The following FLRT2 variants were observed in gnomAD, a reference collection of about 807,000 sequenced individuals.
The protein encoded by FLRT2 is leucine-rich repeat transmembrane protein FLRT2.
FLRT2 carries 15 observed loss-of-function variants against 40.0 expected under a neutral mutation model. That is an observed-to-expected ratio of 0.38 (90% CI 0.25 to 0.58). FLRT2 has a LOEUF of 0.58. Among genes scored for constraint, FLRT2 ranks in the 20% least tolerant of loss-of-function variants. FLRT2 has a pLI of 0.71. For synonymous variants in FLRT2, 380 were observed against 336.8 expected (o/e 1.13, Z -1.41); for missense variants, 726 against 840.0 (o/e 0.86, Z 1.68).
chr14:85,550,928 T>A (rs1889584492), intron 1 of FLRT2, among the ~76,000 whole-genome samples: 2 of 152,192 alleles, frequency 1.3e-5, no homozygotes, highest in Non-Finnish European at 2.9e-5. Flanking sequence ...AGCTTAAATT[T>A]GGTCTTATGA....
rs1255150813 is a variant in FLRT2 at position 85,637,004 on chromosome 14, A to T, written c.*13507A>T. 1 of 151,896 alleles carries T rather than the reference A, an allele frequency of 6.6e-6. No individual in the cohort carries two copies. Among genetic ancestry groups the T allele is most frequent in the East Asian group, 1.9e-4 (1 of 5,190 alleles). 9.4% of individuals were successfully genotyped at this position (151,896 alleles called of 1,614,324 possible). On this transcript the variant is annotated 3_prime_UTR_variant, in exon 2 of 2. Transcript: ENST00000330753. ...CAAAACAAAAACAAAAAACAAAAAA[A>T]CACATTTTACAAAACAATAATCTAA... is the stretch of plus-strand genomic sequence containing the variant.
intron 1 of FLRT2, among the ~76,000 whole-genome samples, chr14:85,573,329 A>T (rs1890984186): frequency 6.6e-6 from 1 of 151,904 alleles, no homozygotes; most frequent in Non-Finnish European, 1.5e-5. Flanking sequence ...TCTCTCTCTC[A>T]CATACACACA....
rs1323490501 is a variant in FLRT2 at position 85,648,348 on chromosome 14, C to T, written c.*24851C>T. On this transcript the variant is annotated 3_prime_UTR_variant, in exon 2 of 2. Transcript: ENST00000330753. Reference sequence around the variant, plus strand: ...GCTGTAAGCCCACATGTGCATTTCCCAGAGTCCCTTGTTGCTAGGGGGCTG... The same window carrying T: ...GCTGTAAGCCCACATGTGCATTTCCTAGAGTCCCTTGTTGCTAGGGGGCTG... 6.6e-6 allele frequency: 1 copy of T among 152,296 alleles called. No individual in the cohort carries two copies. The highest frequency in any genetic ancestry group is 1.9e-4 in the East Asian group (1 of 5,178). 9.4% of individuals were successfully genotyped at this position (152,296 alleles called of 1,614,324 possible).
intron 1 of FLRT2, among the ~76,000 whole-genome samples, chr14:85,594,284 G>GA (rs962526294): frequency 6.6e-6 from 1 of 152,142 alleles, no homozygotes; most frequent in African/African-American, 2.4e-5. Flanking sequence ...GGGACAGGAG[G>GA]AAAAAATTGT....
intron 1 of FLRT2, among the ~76,000 whole-genome samples, chr14:85,591,758 TTATC>T (rs1288004435): frequency 6.6e-6 from 1 of 152,168 alleles, no homozygotes; most frequent in Non-Finnish European, 1.5e-5. Flanking sequence ...AAATCTCCAT[TTATC>T]TAGGGCGGTA....
At chr14:85,535,180 G>A (rs1174522605) in intron 1 of FLRT2, among the ~76,000 whole-genome samples, 4 of 152,154 alleles carry the variant, frequency 2.6e-5, no homozygotes, top group Non-Finnish European at 4.4e-5. Context: ...ATCACACAGG[G>A]TTTCAGGGCG....
At position 85,622,651 on chromosome 14, in the gene FLRT2, G is replaced by T. The variant is rs759593697; in HGVS notation, c.1137G>T (p.Pro379=). The change falls in exon 2 of 2, where the codon CCG becomes CCT. Residue 379 remains proline (P), a synonymous_variant. Transcript: ENST00000330753. ...LFTPAPSTAS[P]TTQPPTLSIP... is the part of the protein sequence containing the mutation. ...CCCCAGCCCCAAGTACAGCTTCTCC[G>T]ACCACTCAGCCTCCCACCCTCTCTA... The T allele has an allele frequency of 5.6e-6, 9 of 1,613,716 alleles. No homozygotes were observed. The highest frequency in any genetic ancestry group is 1.1e-5 in the South Asian group (1 of 91,064).
At chr14:85,571,457 A>G (rs1214199187) in intron 1 of FLRT2, among the ~76,000 whole-genome samples, 1 of 152,230 alleles carries the variant, frequency 6.6e-6, no homozygotes, top group African/African-American at 2.4e-5. Flanking sequence ...TGATGTAGAC[A>G]TAAGGAAGAA....
Position 85,631,517 on chromosome 14 carries a change from ACT to A in FLRT2, c.*8023_*8024del, listed in dbSNP as rs1893872582. On this transcript the variant is annotated 3_prime_UTR_variant, in exon 2 of 2. Transcript: ENST00000330753. ...GGTGCCCAGCTACAGGGGAAGAGCCACTCTGTCAGTTGCTTATGGCCAGATGG... is the reference window on the plus strand; with the variant it reads ...GGTGCCCAGCTACAGGGGAAGAGCCACTGTCAGTTGCTTATGGCCAGATGG... 6.6e-6 allele frequency: 1 copy of A among 151,960 alleles called. No individual in the cohort carries two copies. The highest frequency in any genetic ancestry group is 1.5e-5 in the Non-Finnish European group (1 of 68,006). The allele number at this position is 151,960 out of a possible 1,614,324, so 9.4% of individuals were successfully genotyped here.
At chr14:85,581,649 T>C (rs1405529273) in intron 1 of FLRT2, among the ~76,000 whole-genome samples, 1 of 152,224 alleles carries the variant, frequency 6.6e-6, no homozygotes, top group Non-Finnish European at 1.5e-5. Flanking sequence ...AGTAGTAACA[T>C]TATATACATT....
rs1894425356 is a variant in FLRT2, at chr14:85,651,227, G to A, written c.*27730G>A. On this transcript the variant is annotated 3_prime_UTR_variant, in exon 2 of 2. Transcript: ENST00000330753. ...ATATTTCTAAATTATTTTCATTTAA[G>A]TCAAAGGACATAGCCTGGAAAGTAT... is the stretch of plus-strand genomic sequence containing the variant. 1 of 151,158 alleles carries A rather than the reference G, an allele frequency of 6.6e-6. No individual in the cohort carries two copies. 9.4% of individuals were successfully genotyped at this position (151,158 alleles called of 1,614,324 possible).
intron 1 of FLRT2, among the ~76,000 whole-genome samples, chr14:85,579,828 G>A (rs10483980): frequency 0.23 from 34,417 of 151,738 alleles, 4,126 homozygotes; most frequent in South Asian, 0.37. Flanking sequence ...CTTTAAAAGC[G>A]ATGCCACTGG....
intron 1 of FLRT2, among the ~76,000 whole-genome samples, chr14:85,585,307 C>T (rs1465985809): frequency 6.6e-6 from 1 of 152,176 alleles, no homozygotes; most frequent in Non-Finnish European, 1.5e-5. Context: ...TTTTATTTCT[C>T]TCATAAATCT....
rs1894210761 is a variant in FLRT2 at position 85,643,357 on chromosome 14, TCCTTCCTTCCTTCCTTCC to T, written c.*19861_*19878del. ...TTTCTTTCTTTCTTTCTTTCTTTCT[TCCTTCCTTCCTTCCTTCC>T]TTTCTTTCCTTTCTCCTTTTTCTTT... On this transcript the variant is annotated 3_prime_UTR_variant, in exon 2 of 2. Coordinates refer to ENST00000330753, the MANE Select transcript of FLRT2 (RefSeq NM_013231.6). 7.9e-6 allele frequency: 1 copy of T among 126,348 alleles called. No homozygotes were observed. Among genetic ancestry groups the T allele is most frequent in the Admixed American group, 8.3e-5 (1 of 12,118 alleles). The allele number at this position is 126,348 out of a possible 1,614,324, so 7.8% of individuals were successfully genotyped here.
Position 85,643,142 on chromosome 14 carries a change from C to T in FLRT2, c.*19645C>T, listed in dbSNP as rs1462299844. On this transcript the variant is annotated 3_prime_UTR_variant, in exon 2 of 2. Transcript: ENST00000330753. ...GGCCTCATCTTCAAACACTATTCCA[C>T]TCGGGGCTAGGATGTCAACATATGA... is the stretch of plus-strand genomic sequence containing the variant. 6.6e-6 allele frequency: 1 copy of T among 152,138 alleles called. No individual in the cohort carries two copies. 9.4% of individuals were successfully genotyped at this position (152,138 alleles called of 1,614,324 possible). A position where few individuals can be genotyped will look rare whatever the true frequency, so the allele number is the denominator to read the frequency against.
In FLRT2 at chr14:85,575,586, C is replaced by T. The variant is rs542380024; in HGVS notation, c.-377+45052C>T. On this transcript the variant is annotated intron_variant, in intron 1 of 1. Transcript: ENST00000330753. ...GAAATGAGATGAACAGTTTCCTTCC[C>T]TGAGGCCCCAAACCACTGTTTTGTA... Among the ~76,000 whole-genome samples, 17 of 152,280 alleles carry T rather than the reference C, an allele frequency of 1.1e-4. No homozygotes were observed. In the South Asian group the frequency reaches 3.5e-3, roughly 32 times the overall value.
chr14:85,553,742 C>T (rs1351769569), intron 1 of FLRT2, among the ~76,000 whole-genome samples: 3 of 152,106 alleles, frequency 2.0e-5, no homozygotes. Flanking sequence ...TAGAGCCTAC[C>T]TCCAATAGGT....
intron 1 of FLRT2, among the ~76,000 whole-genome samples, chr14:85,558,545 A>C (rs1890119221): frequency 6.6e-6 from 1 of 152,184 alleles, no homozygotes; most frequent in Non-Finnish European, 1.5e-5. Flanking sequence ...CATGAGGAGA[A>C]TTGAAATGCA....
At chr14:85,570,640 G>C (rs1890848660) in intron 1 of FLRT2, among the ~76,000 whole-genome samples, 1 of 151,336 alleles carries the variant, frequency 6.6e-6, no homozygotes, top group African/African-American at 2.4e-5. Flanking sequence ...GGAGTGCAGT[G>C]GAATGATCTT....
Sources: gnomAD v4.1 joint callset for allele counts (sites outside exome capture counted in the v4.1 genomes callset) on GRCh38, gnomAD v4.1.1 for gene constraint, MANE v1.5 for transcripts, NCBI Gene and HGNC (gene_info 2026-07-23, HGNC 2026-07-21) for gene names.